ARHGAP28: variants seen among roughly 807,000 people sequenced by gnomAD.
ARHGAP28 encodes Rho GTPase activating protein 28, also known as rho GTPase-activating protein 28.
In ARHGAP28, 56 loss-of-function variants were observed where a neutral mutation model predicts 90.7. The observed-to-expected ratio is 0.62, with a 90% CI of 0.50 to 0.77. ARHGAP28 has a LOEUF of 0.77. Among genes scored for constraint, ARHGAP28 ranks in the 30% least tolerant of loss-of-function variants. The pLI, the probability that ARHGAP28 is intolerant of heterozygous loss-of-function variation, is 0.00. For synonymous variants in ARHGAP28, 308 were observed against 323.3 expected (o/e 0.95, Z 0.51); for missense variants, 869 against 900.9 (o/e 0.96, Z 0.45).
intron 16 of ARHGAP28, chr18:6,896,944 C>T: frequency 5.5e-6 from 1 of 183,386 alleles, no homozygotes; most frequent in Non-Finnish European, 1.1e-5. Flanking sequence ...TGGAGTTTCG[C>T]TCTTTTTGCC....
intron 1 of ARHGAP28, among the ~76,000 whole-genome samples, chr18:6,824,406 G>A (rs2056646938): frequency 6.6e-6 from 1 of 151,800 alleles, no homozygotes; most frequent in African/African-American, 2.4e-5. Context: ...GCGTGGTGGC[G>A]GGCACCTGTA....
At chr18:6,731,572 T>G (rs1462872428) in intron 1 of ARHGAP28, among the ~76,000 whole-genome samples, 1 of 152,202 alleles carries the variant, frequency 6.6e-6, no homozygotes, top group Non-Finnish European at 1.5e-5. Flanking sequence ...CCAATTAGAT[T>G]CACGTTGTTC....
chr18:6,839,543 T>C (rs564050946), intron 3 of ARHGAP28, among the ~76,000 whole-genome samples: 75 of 152,226 alleles, frequency 4.9e-4, no homozygotes, highest in South Asian at 2.9e-3. Flanking sequence ...GTGATCCGCC[T>C]GCCTCGGCCT....
chr18:6,824,451 C>A (rs1418975070), intron 1 of ARHGAP28, among the ~76,000 whole-genome samples: 1 of 152,086 alleles, frequency 6.6e-6, no homozygotes, highest in Non-Finnish European at 1.5e-5. Flanking sequence ...GCAGGAGAAT[C>A]GCTTGAACCC....
intron 1 of ARHGAP28, among the ~76,000 whole-genome samples, chr18:6,758,002 G>A (rs765386020): frequency 2.0e-5 from 3 of 152,126 alleles, no homozygotes; most frequent in Admixed American, 6.5e-5. Flanking sequence ...TAAATTTTTG[G>A]CTCTGAGAGC....
At chr18:6,839,373 A>C (rs976755343) in intron 3 of ARHGAP28, among the ~76,000 whole-genome samples, 3 of 148,892 alleles carry the variant, frequency 2.0e-5, no homozygotes, top group Non-Finnish European at 4.4e-5. Flanking sequence ...GGCTCACTGC[A>C]AGCTCCGCCT....
chr18:6,850,218 T>A (rs1000930748), intron 3 of ARHGAP28, among the ~76,000 whole-genome samples: 1 of 152,150 alleles, frequency 6.6e-6, no homozygotes, highest in East Asian at 1.9e-4. Context: ...GCCTCTCAGA[T>A]CTCTCTAAAA....
intron 4 of ARHGAP28, among the ~76,000 whole-genome samples, chr18:6,852,550 G>A (rs1250012804): frequency 6.6e-6 from 1 of 152,124 alleles, no homozygotes; most frequent in Non-Finnish European, 1.5e-5. Flanking sequence ...TAAGCAAGTA[G>A]TGTTTTCTTT....
chr18:6,868,802 C>CT (rs1192401172), intron 6 of ARHGAP28, among the ~76,000 whole-genome samples: 2 of 151,956 alleles, frequency 1.3e-5, no homozygotes, highest in East Asian at 3.9e-4. Context: ...GGATCCTGTG[C>CT]TTTTTTCAGC....
intron 1 of ARHGAP28, among the ~76,000 whole-genome samples, chr18:6,775,701 C>T (rs2056278269): frequency 6.6e-6 from 1 of 152,134 alleles, no homozygotes; most frequent in Non-Finnish European, 1.5e-5. Context: ...CTTTAAATCT[C>T]CTAAGTAATA....
At chr18:6,901,144 A>G (rs1002696270) in intron 16 of ARHGAP28, among the ~76,000 whole-genome samples, 2 of 152,212 alleles carry the variant, frequency 1.3e-5, no homozygotes, top group African/African-American at 2.4e-5. Flanking sequence ...GACTGAAGGA[A>G]GTTCTTAAAC....
chr18:6,797,991 A>G (rs2056454284), intron 1 of ARHGAP28, among the ~76,000 whole-genome samples: 1 of 152,172 alleles, frequency 6.6e-6, no homozygotes. Context: ...ATTTTTAAAA[A>G]CATTAAGTTT....
At chr18:6,748,875 A>G (rs1235598416) in intron 1 of ARHGAP28, among the ~76,000 whole-genome samples, 3 of 152,194 alleles carry the variant, frequency 2.0e-5, no homozygotes, top group African/African-American at 7.2e-5. Context: ...CTGTGTTTCT[A>G]GTGCCTTCCT....
intron 4 of ARHGAP28, among the ~76,000 whole-genome samples, chr18:6,856,444 A>C (rs549897374): frequency 3.9e-5 from 6 of 152,200 alleles, no homozygotes; most frequent in Non-Finnish European, 7.3e-5. Context: ...CTTAAATTGA[A>C]GTATAACTTA....
chr18:6,847,390 A>T (rs934963720), intron 3 of ARHGAP28, among the ~76,000 whole-genome samples: 1 of 152,174 alleles, frequency 6.6e-6, no homozygotes, highest in African/African-American at 2.4e-5. Context: ...GGAAAAATAT[A>T]TGGTGAGTTT....
chr18:6,884,097 A>C (rs962493188), intron 11 of ARHGAP28, among the ~76,000 whole-genome samples: 3 of 152,154 alleles, frequency 2.0e-5, no homozygotes, highest in African/African-American at 7.2e-5. Flanking sequence ...GTTGGCGGCC[A>C]GGCGTGGGGG....
At chr18:6,742,381 G>C (rs1406588330) in intron 1 of ARHGAP28, among the ~76,000 whole-genome samples, 1 of 151,944 alleles carries the variant, frequency 6.6e-6, no homozygotes, top group Admixed American at 6.6e-5. Flanking sequence ...TGTTGGCCAG[G>C]CTGGCCTCGA....
intron 1 of ARHGAP28, among the ~76,000 whole-genome samples, chr18:6,817,039 A>G (rs2056595639): frequency 1.3e-5 from 2 of 151,762 alleles, no homozygotes; most frequent in Admixed American, 1.3e-4. Flanking sequence ...GCAAGTAGCT[A>G]TGATTGCACC....
At chr18:6,755,907 C>T (rs1395436616) in intron 1 of ARHGAP28, among the ~76,000 whole-genome samples, 1 of 152,152 alleles carries the variant, frequency 6.6e-6, no homozygotes, top group African/African-American at 2.4e-5. Context: ...ACAAAAGAAT[C>T]AGGGCATTTT....
Sources: allele counts gnomAD v4.1 joint callset (sites outside exome capture counted in the v4.1 genomes callset), GRCh38; gene constraint gnomAD v4.1.1; transcripts MANE v1.5; gene names NCBI Gene and HGNC (gene_info 2026-07-23, HGNC 2026-07-21).